The following MBD5 variants were observed in gnomAD, a reference collection of about 807,000 sequenced individuals.
MBD5 encodes methyl-CpG-binding domain protein 5.
MBD5 carries 13 observed loss-of-function variants against 117.3 expected under a neutral mutation model. The ratio of observed to expected loss-of-function variants is 0.11; its 90% CI spans 0.07 to 0.18. MBD5 has a LOEUF of 0.18. Ranked by LOEUF, MBD5 falls within the 10% of genes least tolerant of loss-of-function variation. MBD5 has a pLI of 1.00. For missense variants in MBD5, 1,879 were observed against 2,093.8 expected, an observed-to-expected ratio of 0.90 and a Z score of 2.00; for synonymous variants, 727 against 766.4, an observed-to-expected ratio of 0.95 and a Z score of 0.85.
At chr2:148,149,744 A>G (rs1697588497) in intron 1 of MBD5, among the ~76,000 whole-genome samples, 1 of 152,138 alleles carries the variant, frequency 6.6e-6, no homozygotes, top group Non-Finnish European at 1.5e-5. Context: ...TCTTCTTTTG[A>G]GAAGTGTCTG....
intron 4 of MBD5, among the ~76,000 whole-genome samples, chr2:148,384,641 T>C (rs1261447058): frequency 6.6e-5 from 10 of 151,570 alleles, no homozygotes; most frequent in Middle Eastern, 3.4e-3. Flanking sequence ...CACAAAAGAG[T>C]CCACATTGCC....
rs141920824 is a variant in MBD5 at position 148,035,778 on chromosome 2, G to T, written c.-925+14094G>T. Among the ~76,000 whole-genome samples, 1,095 of 152,262 alleles carry T rather than the reference G, an allele frequency of 7.2e-3. 4 individuals carry two copies. Among genetic ancestry groups the T allele is most frequent in the Non-Finnish European group, 0.011 (735 of 68,006 alleles). The stretch of plus-strand genomic sequence containing the variant: ...CTTAACTAGCTATGGGATATTCTGT[G>T]CCTCAGTCTCTTCATTAGTAAAATG... On this transcript the variant is annotated intron_variant, in intron 1 of 13. Coordinates refer to ENST00000642680, the MANE Select transcript of MBD5 (RefSeq NM_001378120.1).
chr2:148,437,793 G>A (rs1265654483), intron 4 of MBD5, among the ~76,000 whole-genome samples: 2 of 152,054 alleles, frequency 1.3e-5, no homozygotes, highest in African/African-American at 4.8e-5. Context: ...TATTACTATG[G>A]TTGGTAATTG....
At chr2:148,142,654 A>G (rs1697346626) in intron 1 of MBD5, among the ~76,000 whole-genome samples, 1 of 152,178 alleles carries the variant, frequency 6.6e-6, no homozygotes. Context: ...CCTATCCAGG[A>G]AAGGGGCAAA....
chr2:148,502,919 T>C (rs1464220481), intron 12 of MBD5: 1 of 211,172 alleles, frequency 4.7e-6, no homozygotes, highest in Non-Finnish European at 9.6e-6. Flanking sequence ...TTTGGCAGAT[T>C]ACTAGTCAAA....
chr2:148,469,209 T>C lies in MBD5; in HGVS notation c.1266T>C (p.His422=), dbSNP rs371026811. 3.1e-6 allele frequency: 5 copies of C among 1,613,948 alleles called. No homozygotes were observed. The African/African-American group carries it at 4.0e-5, about 13-fold the overall frequency. The change falls in exon 8 of 14, where the codon CAT becomes CAC. Residue 422 remains histidine, a synonymous_variant. Coordinates refer to ENST00000642680, the MANE Select transcript of MBD5 (RefSeq NM_001378120.1). ...VKPGHMNHGS[H]VQRVQHSAST... ...CTGGTCACATGAATCATGGGAGTCA[T>C]GTACAAAGAGTTCAGCATTCAGCTT...
chr2:148,352,102 C>T (rs1480389171), intron 4 of MBD5, among the ~76,000 whole-genome samples: 3 of 151,938 alleles, frequency 2.0e-5, no homozygotes, highest in Admixed American at 1.3e-4. Context: ...GACTAGTTCT[C>T]AGTTTTCTTG....
At chr2:148,413,640 A>G (rs1705334232) in intron 4 of MBD5, among the ~76,000 whole-genome samples, 1 of 150,684 alleles carries the variant, frequency 6.6e-6, no homozygotes, top group Non-Finnish European at 1.5e-5. Context: ...TTAATGATTC[A>G]ATTTCAGAAC....
At chr2:148,036,995 A>G (rs1694212831) in intron 1 of MBD5, among the ~76,000 whole-genome samples, 1 of 147,268 alleles carries the variant, frequency 6.8e-6, no homozygotes, top group African/African-American at 2.5e-5. Context: ...AGAGATAATT[A>G]TAAATGGTTG....
rs377324105 is a variant in MBD5 at position 148,284,535 on chromosome 2, AC to A, written c.-680+51146del. ...CTCGGTGCATGGCTTTGGGCAAGTT[AC>A]CCCCCTCTCATGGAGCCTTGGTATC... On this transcript the variant is annotated intron_variant, in intron 3 of 13. Transcript: ENST00000642680. 3.3e-5 allele frequency among the ~76,000 whole-genome samples: 5 copies of A among 152,010 alleles called. 1 individual carries two copies. Among genetic ancestry groups the A allele is most frequent in the African/African-American group, 9.7e-5 (4 of 41,450 alleles).
intron 3 of MBD5, among the ~76,000 whole-genome samples, chr2:148,275,705 G>C (rs1374784514): frequency 6.6e-6 from 1 of 151,974 alleles, no homozygotes; most frequent in African/African-American, 2.4e-5. Flanking sequence ...GTTTGAGCAA[G>C]GAACTGTGCA....
At chr2:148,205,403 G>A (rs1046840087) in intron 2 of MBD5, among the ~76,000 whole-genome samples, 3 of 151,912 alleles carry the variant, frequency 2.0e-5, no homozygotes, top group African/African-American at 4.8e-5. Flanking sequence ...ATACTTGGAA[G>A]TCAAAGAATA....
Position 148,118,602 on chromosome 2 carries a change from A to G in MBD5, c.-924-60098A>G, listed in dbSNP as rs115050697. Among the ~76,000 whole-genome samples the G allele has an allele frequency of 5.4e-3, 810 of 150,966 alleles. 15 individuals are homozygous for G. The highest frequency in any genetic ancestry group is 0.019 in the African/African-American group (777 of 40,614). On this transcript the variant is annotated intron_variant, in intron 1 of 13. Transcript: ENST00000642680. ...CCAGCCTGGGTGAAAAAAGAAAAAA[A>G]AAAACTATTAAAATTCATCATTTTG...
intron 11 of MBD5, among the ~76,000 whole-genome samples, chr2:148,501,219 A>T (rs534313329): frequency 6.6e-6 from 1 of 152,350 alleles, no homozygotes; most frequent in South Asian, 2.1e-4. Flanking sequence ...TCTAGATTTG[A>T]AGGGGTCATA....
chr2:148,222,938 T>A (rs1699727611), intron 2 of MBD5, among the ~76,000 whole-genome samples: 1 of 152,128 alleles, frequency 6.6e-6, no homozygotes. Flanking sequence ...GATGCTAATG[T>A]ACATTCTATA....
At chr2:148,288,463 A>G (rs553399470) in intron 3 of MBD5, among the ~76,000 whole-genome samples, 7 of 150,924 alleles carry the variant, frequency 4.6e-5, no homozygotes, top group Admixed American at 3.3e-4. Context: ...AGCATTGACT[A>G]AAGTGGGCTG....
At chr2:148,244,423 AAG>A (rs1700289756) in intron 3 of MBD5, 1 of 152,198 alleles carries the variant, frequency 6.6e-6, no homozygotes, top group Non-Finnish European at 1.5e-5. Flanking sequence ...GCATGTGTAT[AAG>A]AAGCAGAATT....
intron 4 of MBD5, among the ~76,000 whole-genome samples, chr2:148,366,506 G>A (rs1703704175): frequency 6.6e-6 from 1 of 152,102 alleles, no homozygotes; most frequent in Non-Finnish European, 1.5e-5. Flanking sequence ...GAAATAAAGG[G>A]TATTCAGATA....
At position 148,342,113 on chromosome 2, in the gene MBD5, C is replaced by T. The variant is rs191834872; in HGVS notation, c.-679-101C>T. ...ATTCTCTCTAGTTCTTTGGCAAAGA[C>T]TTATTGATGTTTGGAAGTGAAAAAA... On this transcript the variant is annotated intron_variant, in intron 3 of 13. Transcript: ENST00000642680. The T allele has an allele frequency of 6.0e-4, 91 of 152,028 alleles. 1 individual carries two copies. The highest frequency in any genetic ancestry group is 2.0e-3 in the African/African-American group (84 of 41,510). The allele number at this position is 152,028 out of a possible 1,614,324, so 9.4% of individuals were successfully genotyped here. A position where few individuals can be genotyped will look rare whatever the true frequency, so the allele number is the denominator to read the frequency against.
Sources: gnomAD v4.1 joint callset for allele counts (sites outside exome capture counted in the v4.1 genomes callset) on GRCh38, gnomAD v4.1.1 for gene constraint, MANE v1.5 for transcripts, NCBI Gene and HGNC (gene_info 2026-07-23, HGNC 2026-07-21) for gene names.